Variants in RHEB observed in about 807,000 individuals in gnomAD.
RHEB encodes GTP-binding protein Rheb.
RHEB carries 2 observed loss-of-function variants against 28.8 expected under a neutral mutation model. The ratio of observed to expected loss-of-function variants is 0.07; its 90% CI spans 0.03 to 0.22. The LOEUF is 0.22. RHEB is among the 10% of genes least tolerant of loss of function. The probability of loss-of-function intolerance (pLI) is 1.00; values close to 1 mark genes in which losing one functional copy is unlikely to be tolerated. For missense variants in RHEB, 76 were observed against 219.9 expected (o/e 0.35, Z 4.14); for synonymous variants, 69 against 77.3 (o/e 0.89, Z 0.56).
chr7:151,489,045 A>G (rs1201272895), intron 2 of RHEB, among the ~76,000 whole-genome samples: 1 of 152,144 alleles, frequency 6.6e-6, no homozygotes, highest in African/African-American at 2.4e-5. Flanking sequence ...GGTTCAAGTG[A>G]TCCGCCTGTC....
intron 1 of RHEB, 97 bp from the exon 2 acceptor site, chr7:151,491,111 A>G: frequency 1.3e-6 from 1 of 751,726 alleles, no homozygotes; most frequent in South Asian, 1.6e-5. Flanking sequence ...AGATGAAGAC[A>G]CTGAAGGTAT....
At chr7:151,483,220 T>A (rs1258596879) in intron 3 of RHEB, among the ~76,000 whole-genome samples, 1 of 152,236 alleles carries the variant, frequency 6.6e-6, no homozygotes, top group Non-Finnish European at 1.5e-5. Flanking sequence ...AGCTATCTTC[T>A]TGCTTCACTA....
At chr7:151,518,767 C>T (rs1011033643) in intron 1 of RHEB, among the ~76,000 whole-genome samples, 4 of 152,200 alleles carry the variant, frequency 2.6e-5, no homozygotes, top group African/African-American at 9.6e-5. Context: ...GACCTTATTC[C>T]TTCCCGAACA....
chr7:151,519,581 G>T lies in RHEB; in HGVS notation c.-70C>A. 1.4e-6 allele frequency: 2 copies of T among 1,424,140 alleles called. No individual in the cohort carries two copies. Among genetic ancestry groups the T allele is most frequent in the Non-Finnish European group, 1.9e-6 (2 of 1,064,956 alleles). 88.2% of individuals were successfully genotyped at this position (1,424,140 alleles called of 1,614,324 possible). A position where few individuals can be genotyped will look rare whatever the true frequency, so the allele number is the denominator to read the frequency against. On this transcript the variant is annotated 5_prime_UTR_variant, in exon 1 of 8. Coordinates refer to ENST00000262187, the MANE Select transcript of RHEB (RefSeq NM_005614.4). ...GGCGGTGGCTCCTGCTGCTGTGATC[G>T]GCGGCGGCCGCGCCGGGAGAGAGCG...
chr7:151,498,863 A>G (rs1802719526), intron 1 of RHEB, among the ~76,000 whole-genome samples: 1 of 152,166 alleles, frequency 6.6e-6, no homozygotes. Context: ...CTGTATTTTT[A>G]CAGTTCCAAG....
At chr7:151,516,415 G>C (rs999316827) in intron 1 of RHEB, among the ~76,000 whole-genome samples, 1 of 151,950 alleles carries the variant, frequency 6.6e-6, no homozygotes, top group Non-Finnish European at 1.5e-5. Flanking sequence ...ACGAGGTCAG[G>C]AGTTCAAGAC....
chr7:151,488,288 CCTA>C (rs765880734), intron 2 of RHEB, among the ~76,000 whole-genome samples: 4 of 152,188 alleles, frequency 2.6e-5, no homozygotes, highest in Non-Finnish European at 5.9e-5. Flanking sequence ...CTCCTACACC[CCTA>C]CTGTTAAAGA....
chr7:151,519,307 C>T, intron 1 of RHEB, 153 bp downstream of exon 1: 1 of 429,300 alleles, frequency 2.3e-6, no homozygotes, highest in Non-Finnish European at 3.5e-6. Context: ...ACCGCCACCA[C>T]CTCCGCTCAG....
rs1328062200 is a variant in RHEB, at chr7:151,472,742, T to C, written c.276-1137A>G. ...AGGGATTTGTCTGCTTTGTTCATGA[T>C]TGCATCACAAGCTTCAGAATAAGTT... On this transcript the variant is annotated intron_variant, in intron 4 of 7. Transcript: ENST00000262187. This position sits in a 1 kb window ranked among gnomAD's most constrained non-coding sequence, Gnocchi z 5.2. Among the ~76,000 whole-genome samples the C allele has an allele frequency of 1.3e-5, 2 of 152,220 alleles. No homozygotes were observed. The highest frequency in any genetic ancestry group is 2.1e-4 in the South Asian group (1 of 4,830).
intron 1 of RHEB, chr7:151,503,261 A>G (rs1802806113): frequency 1.3e-6 from 1 of 782,180 alleles, no homozygotes. Flanking sequence ...GAGCTTATCG[A>G]GAGCATGCCC....
intron 3 of RHEB, among the ~76,000 whole-genome samples, chr7:151,479,006 C>T (rs183059136): frequency 8.3e-4 from 126 of 152,082 alleles, no homozygotes; most frequent in Admixed American, 5.8e-3. Flanking sequence ...CTACTGTGCC[C>T]GGCCTTTAAA....
intron 1 of RHEB, among the ~76,000 whole-genome samples, chr7:151,501,148 TA>T (rs1435527122): frequency 3.9e-5 from 6 of 152,016 alleles, no homozygotes; most frequent in Non-Finnish European, 8.8e-5. Flanking sequence ...TCATCAAAAT[TA>T]AAAACTGTAC....
chr7:151,471,478 C>T (rs200255322), intron 5 of RHEB, 37 bp from the exon 6 acceptor site: 1 of 1,548,392 alleles, frequency 6.5e-7, no homozygotes. Flanking sequence ...CAGTAAGTGC[C>T]AGATTGTATT....
At chr7:151,471,488 T>C (rs1802160724) in intron 5 of RHEB, 47 bp from the exon 6 acceptor site, 1 of 1,541,374 alleles carries the variant, frequency 6.5e-7, no homozygotes, top group Non-Finnish European at 8.9e-7. Flanking sequence ...CAGATTGTAT[T>C]GCTCAGAAGA....
chr7:151,519,719 C>G lies in RHEB; in HGVS notation c.-208G>C. On this transcript the variant is annotated 5_prime_UTR_variant, in exon 1 of 8. Coordinates refer to ENST00000262187, the MANE Select transcript of RHEB (RefSeq NM_005614.4). ...GGCGCCCCTCCCCCCCACAACACGCCCACGTGACCGGCCGGCGTCAGCACC... is the reference window on the plus strand; with the variant it reads ...GGCGCCCCTCCCCCCCACAACACGCGCACGTGACCGGCCGGCGTCAGCACC... 2.8e-6 allele frequency: 1 copy of G among 359,708 alleles called. No homozygotes were observed. Among genetic ancestry groups the G allele is most frequent in the East Asian group, 4.2e-5 (1 of 23,596 alleles). 22.3% of individuals were successfully genotyped at this position (359,708 alleles called of 1,614,324 possible).
chr7:151,474,187 T>G (rs1032647580), intron 4 of RHEB, among the ~76,000 whole-genome samples: 7 of 30,316 alleles, frequency 2.3e-4, no homozygotes, highest in African/African-American at 3.6e-4. Flanking sequence ...TGTTTTTTTG[T>G]TTTTTTTTTG....
At chr7:151,486,664 C>T (rs1802480889) in intron 2 of RHEB, among the ~76,000 whole-genome samples, 1 of 152,194 alleles carries the variant, frequency 6.6e-6, no homozygotes, top group Non-Finnish European at 1.5e-5. Context: ...ATCACTCTGG[C>T]TACGCTGTAA....
At chr7:151,503,775 A>T (rs922944297) in intron 1 of RHEB, among the ~76,000 whole-genome samples, 24 of 127,784 alleles carry the variant, frequency 1.9e-4, no homozygotes, top group African/African-American at 5.0e-4. Flanking sequence ...AAAAAAAAAA[A>T]ATTTTTTTAA....
intron 3 of RHEB, among the ~76,000 whole-genome samples, chr7:151,483,815 T>C (rs1802420453): frequency 6.6e-6 from 1 of 152,210 alleles, no homozygotes; most frequent in Non-Finnish European, 1.5e-5. Flanking sequence ...GAATAGTTTC[T>C]AGTAAAAGCA....
Sources: gnomAD v4.1 joint callset for allele counts (sites outside exome capture counted in the v4.1 genomes callset) on GRCh38, gnomAD v4.1.1 for gene constraint, Gnocchi (gnomAD v3.1) non-coding constraint, MANE v1.5 for transcripts, NCBI Gene and HGNC (gene_info 2026-07-23, HGNC 2026-07-21) for gene names.